The following SKP2 variants were observed in gnomAD, a reference collection of about 807,000 sequenced individuals.
SKP2 encodes the protein S-phase kinase associated protein 2.
In SKP2, 16 loss-of-function variants were observed where a neutral mutation model predicts 51.8. The ratio of observed to expected loss-of-function variants is 0.31; its 90% CI spans 0.21 to 0.47. SKP2 has a LOEUF of 0.47. Ranked by LOEUF, SKP2 falls within the 20% of genes least tolerant of loss-of-function variation. SKP2 has a pLI of 1.00. For synonymous variants in SKP2, 176 were observed against 198.6 expected, an observed-to-expected ratio of 0.89 and a Z score of 0.96; for missense variants, 377 against 505.3, an observed-to-expected ratio of 0.75 and a Z score of 2.43.
At chr5:36,157,068 C>G (rs1259190955) in intron 2 of SKP2, among the ~76,000 whole-genome samples, 1 of 152,122 alleles carries the variant, frequency 6.6e-6, no homozygotes, top group African/African-American at 2.4e-5. Context: ...TACATATATG[C>G]TAGTCAAACC....
At chr5:36,173,788 T>C (rs1354190714) in intron 7 of SKP2, among the ~76,000 whole-genome samples, 1 of 152,098 alleles carries the variant, frequency 6.6e-6, no homozygotes, top group African/African-American at 2.4e-5. Flanking sequence ...GATAAAAAGT[T>C]TTTAATGTCA....
chr5:36,188,581 G>T (rs1016766171), downstream of SKP2, among the ~76,000 whole-genome samples: 8 of 152,162 alleles, frequency 5.3e-5, no homozygotes, highest in Non-Finnish European at 1.2e-4. Context: ...GGCTTGTAGA[G>T]TTTCTGCCGA....
At chr5:36,189,278 C>G (rs534859196), downstream of SKP2, among the ~76,000 whole-genome samples, 184 of 152,290 alleles carry the variant, frequency 1.2e-3, no homozygotes, top group Non-Finnish European at 1.9e-3. Flanking sequence ...GAGCTTTGTT[C>G]CTTTGGAGGG....
chr5:36,172,557 A>G (rs1054003214), intron 7 of SKP2, among the ~76,000 whole-genome samples: 2 of 152,212 alleles, frequency 1.3e-5, no homozygotes, highest in African/African-American at 4.8e-5. Flanking sequence ...AGCAACACAC[A>G]TCAACCATAT....
intron 4 of SKP2, among the ~76,000 whole-genome samples, chr5:36,167,756 C>T (rs1431506504): frequency 6.6e-6 from 1 of 152,044 alleles, no homozygotes; most frequent in Non-Finnish European, 1.5e-5. Context: ...CACCTGGGGA[C>T]TACAGGTGTG....
In SKP2 at chr5:36,170,358, A is replaced by C. The variant is rs764445352; in HGVS notation, c.686A>C (p.Asn229Thr). ...TCTTTTTCCAGTACTCTCGCAAAAA[A>C]CTCAAATTTAGTGCGACTTAACCTT... ...SDPIVNTLAK[N>T]SNLVRLNLSG... is the part of the protein sequence containing the mutation. The change falls in exon 6 of 10, where the codon AAC becomes ACC. Residue 229 changes from asparagine to threonine, a missense_variant. Around this residue, in one of 2 missense-constraint regions of SKP2, gnomAD observed 262 missense variants for 389.8 expected, o/e 0.67. Transcript: ENST00000274255. 6.2e-7 allele frequency: 1 copy of C among 1,611,008 alleles called. No individual in the cohort carries two copies. The highest frequency in any genetic ancestry group is 8.5e-7 in the Non-Finnish European group (1 of 1,178,196).
chr5:36,189,425 T>C (rs1745985213), intron 6 of SKP2, among the ~76,000 whole-genome samples: 1 of 152,238 alleles, frequency 6.6e-6, no homozygotes, highest in Admixed American at 6.5e-5. Context: ...TTTCTGTTAG[T>C]GTTCCTTCTA....
At chr5:36,185,210 G>A (rs923261144), downstream of SKP2, among the ~76,000 whole-genome samples, 4 of 152,128 alleles carry the variant, frequency 2.6e-5, no homozygotes, top group African/African-American at 9.7e-5. Flanking sequence ...AGTGTAGGTT[G>A]CCTGTTCACT....
intron 5 of SKP2, among the ~76,000 whole-genome samples, chr5:36,169,882 A>G (rs1401980014): frequency 6.6e-6 from 1 of 152,168 alleles, no homozygotes; most frequent in Non-Finnish European, 1.5e-5. Flanking sequence ...TCTTACTCTT[A>G]ATCACTAAGT....
At chr5:36,185,210 G>T (rs923261144), downstream of SKP2, among the ~76,000 whole-genome samples, 1 of 152,128 alleles carries the variant, frequency 6.6e-6, no homozygotes, top group East Asian at 1.9e-4. Flanking sequence ...AGTGTAGGTT[G>T]CCTGTTCACT....
chr5:36,165,185 G>T (rs1419161696), intron 3 of SKP2, among the ~76,000 whole-genome samples: 1 of 152,178 alleles, frequency 6.6e-6, no homozygotes, highest in African/African-American at 2.4e-5. Context: ...TGGTGTTTGT[G>T]TCATCTCAGC....
At chr5:36,171,492 C>A in intron 6 of SKP2, 111 bp from the exon 7 acceptor site, 1 of 988,212 alleles carries the variant, frequency 1.0e-6, no homozygotes, top group Non-Finnish European at 1.6e-6. Flanking sequence ...GTGTTCTGTG[C>A]ATGAAATGAT....
rs547022214 is a variant in SKP2 at position 36,177,919 on chromosome 5, A to G, written c.1061+627A>G. On this transcript the variant is annotated intron_variant, in intron 9 of 9. Coordinates refer to ENST00000274255, the MANE Select transcript of SKP2 (RefSeq NM_005983.4). ...TAGGTCTCCTGGACAGAGGCAAAAT[A>G]GTCACTATCTAATCTAATAGTTTAT... Among the ~76,000 whole-genome samples the G allele has an allele frequency of 4.3e-4, 66 of 152,268 alleles. 1 individual carries two copies. Among genetic ancestry groups the G allele is most frequent in the Admixed American group, 4.3e-3 (65 of 15,290 alleles).
chr5:36,177,753 G>T (rs1745680494), intron 9 of SKP2, among the ~76,000 whole-genome samples: 1 of 151,838 alleles, frequency 6.6e-6, no homozygotes, highest in Non-Finnish European at 1.5e-5. Flanking sequence ...TGAAGAAATT[G>T]GAAAGATATA....
chr5:36,163,432 TA>T (rs772000282), intron 2 of SKP2, among the ~76,000 whole-genome samples: 2 of 152,210 alleles, frequency 1.3e-5, no homozygotes, highest in Non-Finnish European at 2.9e-5. Context: ...ATGGGGAATT[TA>T]ACACGAATTA....
At position 36,183,725 on chromosome 5, in the gene SKP2, T is replaced by A; in HGVS notation, c.*1694T>A. 1 of 1,360,758 alleles carries A rather than the reference T, an allele frequency of 7.3e-7. No homozygotes were observed. The highest frequency in any genetic ancestry group is 9.5e-7 in the Non-Finnish European group (1 of 1,051,626). The allele number at this position is 1,360,758 out of a possible 1,614,324, so 84.3% of individuals were successfully genotyped here. ...TGTTAGAAACATACTATGAAGTGCC[T>A]TTATCTGCTTAGACCTAAGGAAGAT... On this transcript the variant is annotated 3_prime_UTR_variant, in exon 10 of 10. Coordinates refer to ENST00000274255, the MANE Select transcript of SKP2 (RefSeq NM_005983.4).
At position 36,164,234 on chromosome 5, in the gene SKP2, G is replaced by A. The variant is rs991755365; in HGVS notation, c.392+478G>A. ...CTCAGTCTCCCCATATGTAAATGGG[G>A]ATAATGGTTATGAGGAGGAAACCAC... On this transcript the variant is annotated intron_variant, in intron 3 of 9. Coordinates refer to ENST00000274255, the MANE Select transcript of SKP2 (RefSeq NM_005983.4). Among the ~76,000 whole-genome samples the A allele has an allele frequency of 3.3e-5, 5 of 152,296 alleles. No homozygotes were observed. In the South Asian group the frequency reaches 8.3e-4, roughly 25 times the overall value.
chr5:36,159,569 C>A (rs1401058455), intron 2 of SKP2, among the ~76,000 whole-genome samples: 1 of 152,112 alleles, frequency 6.6e-6, no homozygotes. Context: ...CTGGGGAGTC[C>A]CCAAATAGTG....
chr5:36,168,221 G>C (rs1745351423), intron 4 of SKP2, 92 bp from the exon 5 acceptor site: 1 of 1,183,054 alleles, frequency 8.5e-7, no homozygotes, highest in Non-Finnish European at 1.2e-6. Flanking sequence ...TTTGTGATTG[G>C]CTGCTCATTT....
Sources: allele counts gnomAD v4.1 joint callset (sites outside exome capture counted in the v4.1 genomes callset), GRCh38; gene constraint gnomAD v4.1.1; regional missense constraint gnomAD v4.1.1; transcripts MANE v1.5; gene names NCBI Gene and HGNC (gene_info 2026-07-23, HGNC 2026-07-21).